NFATC3: variants seen among roughly 807,000 people sequenced by gnomAD.
NFATC3 encodes the protein nuclear factor of activated T cells 3, also known as nuclear factor of activated T-cells, cytoplasmic 3.
A neutral mutation model predicts 98.6 loss-of-function variants in NFATC3; 46 were observed. That is an observed-to-expected ratio of 0.47 (90% CI 0.37 to 0.60). The LOEUF (loss-of-function observed/expected upper bound fraction) is 0.60. Among genes scored for constraint, NFATC3 ranks in the 20% least tolerant of loss-of-function variants. The pLI, the probability that NFATC3 is intolerant of heterozygous loss-of-function variation, is 0.00. For synonymous variants in NFATC3, 512 were observed against 472.2 expected (o/e 1.08, Z -1.09); for missense variants, 1,256 against 1,295.5 (o/e 0.97, Z 0.47).
intron 8 of NFATC3, among the ~76,000 whole-genome samples, chr16:68,185,077 G>A (rs1159539205): frequency 1.3e-5 from 2 of 151,720 alleles, no homozygotes; most frequent in African/African-American, 4.8e-5. Flanking sequence ...CGCCTCCAGG[G>A]TTCAAGTTCA....
At chr16:68,106,506 G>A (rs1251371962) in intron 1 of NFATC3, among the ~76,000 whole-genome samples, 1 of 151,762 alleles carries the variant, frequency 6.6e-6, no homozygotes, top group Non-Finnish European at 1.5e-5. Flanking sequence ...TGTCCAGGCT[G>A]GTCTCAAACT....
intron 3 of NFATC3, among the ~76,000 whole-genome samples, chr16:68,155,530 G>T (rs2038562291): frequency 1.3e-5 from 2 of 152,158 alleles, no homozygotes; most frequent in African/African-American, 2.4e-5. Flanking sequence ...ATCAGAGGAA[G>T]GTCTTCCAAC....
chr16:68,122,690 C>A lies in NFATC3; in HGVS notation c.807C>A (p.Ser269=). The A allele has an allele frequency of 6.2e-7, 1 of 1,614,186 alleles. No individual in the cohort carries two copies. The highest frequency in any genetic ancestry group is 1.1e-5 in the South Asian group (1 of 91,076). ...CAGGACCCTCATCAAGGCCCACATC[C>A]CCCTGTGGGAAACGGAGGCACTCCA... The part of the protein sequence containing the change: ...PASGPSSRPT[S]PCGKRRHSSA... Residue 269 remains serine, a synonymous_variant, in exon 2 of 10, where the codon TCC becomes TCA. Transcript: ENST00000346183.
In NFATC3 at chr16:68,121,366, T is replaced by TG. The variant is rs935738333; in HGVS notation, c.104-621_104-620insG. Among the ~76,000 whole-genome samples the TG allele has an allele frequency of 2.2e-3, 316 of 140,562 alleles. 1 individual carries two copies. Among genetic ancestry groups the TG allele is most frequent in the Non-Finnish European group, 4.1e-3 (264 of 64,058 alleles). 92.2% of individuals were successfully genotyped at this position (140,562 alleles called of 152,430 possible). A position where few individuals can be genotyped will look rare whatever the true frequency, so the allele number is the denominator to read the frequency against. ...AGTATTTTTTAGAATTATGGATGTG[T>TG]TTTTTTTTTTTTAATAAACACATTT... On this transcript the variant is annotated intron_variant, in intron 1 of 9. Coordinates refer to ENST00000346183, the MANE Select transcript of NFATC3 (RefSeq NM_173165.3).
chr16:68,137,915 C>T (rs762542563), intron 3 of NFATC3, among the ~76,000 whole-genome samples: 23 of 150,228 alleles, frequency 1.5e-4, no homozygotes, highest in Middle Eastern at 3.6e-3. Context: ...CCACCGTGCC[C>T]GGCCGTATGT....
rs1452888042 is a variant in NFATC3 at position 68,126,562 on chromosome 16, T to C, written c.1353T>C (p.Gly451=). The C allele has an allele frequency of 6.2e-7, 1 of 1,614,174 alleles. No individual in the cohort carries two copies. The highest frequency in any genetic ancestry group is 8.5e-7 in the Non-Finnish European group (1 of 1,180,034). The change falls in exon 3 of 10, where the codon GGT becomes GGC. Residue 451 remains glycine, a synonymous_variant. Transcript: ENST00000346183. ...ATCGAGCCCATTATGAAACTGAAGGTAGCCGAGGGGCAGTAAAAGCATCTA... is the reference window on the plus strand; with the variant it reads ...ATCGAGCCCATTATGAAACTGAAGGCAGCCGAGGGGCAGTAAAAGCATCTA... The part of the protein sequence containing the change: ...THHRAHYETE[G]SRGAVKASTG...
At chr16:68,218,575 C>CT (rs535788151) in intron 9 of NFATC3, among the ~76,000 whole-genome samples, 4,797 of 125,952 alleles carry the variant, frequency 0.038, 97 homozygotes, top group Middle Eastern at 0.093. Context: ...TTAGATGGTG[C>CT]TTTTTTTTTT....
chr16:68,204,472 C>T, intron 9 of NFATC3, among the ~76,000 whole-genome samples: 1 of 152,310 alleles, frequency 6.6e-6, no homozygotes, highest in Admixed American at 6.5e-5. Flanking sequence ...TCTTTGCAAT[C>T]ATGTGTGAAA....
intron 1 of NFATC3, among the ~76,000 whole-genome samples, chr16:68,096,327 C>G (rs181122529): frequency 6.6e-6 from 1 of 152,192 alleles, no homozygotes; most frequent in East Asian, 1.9e-4. Flanking sequence ...AAGAAACTAG[C>G]TGTTGTTAAA....
intron 4 of NFATC3, among the ~76,000 whole-genome samples, chr16:68,164,952 G>A (rs958298633): frequency 2.0e-5 from 3 of 152,054 alleles, no homozygotes; most frequent in South Asian, 2.1e-4. Context: ...TATTTTCACC[G>A]CTACATAAGA....
chr16:68,138,816 A>G (rs900919076), intron 3 of NFATC3: 26 of 1,234,630 alleles, frequency 2.1e-5, no homozygotes, highest in Admixed American at 2.8e-5. Context: ...TCTATGCCAC[A>G]TGCTCCACAC....
At position 68,162,740 on chromosome 16, in the gene NFATC3, A is replaced by C. The variant is rs996235092; in HGVS notation, c.1602-4103A>C. Among the ~76,000 whole-genome samples, 3 of 152,096 alleles carry C rather than the reference A, an allele frequency of 2.0e-5. No individual in the cohort carries two copies. The East Asian group carries it at 5.8e-4, about 29-fold the overall frequency. On this transcript the variant is annotated intron_variant, in intron 4 of 9. Coordinates refer to ENST00000346183, the MANE Select transcript of NFATC3 (RefSeq NM_173165.3). ...GAAAGACAAGCAAAGATCAAAGAAC[A>C]TGTTGATCATTTTTTTTTTTTTAAT...
intron 9 of NFATC3, chr16:68,192,243 A>ATATATATATATATATATGTATGTG (rs1567543035): frequency 6.2e-5 from 7 of 112,678 alleles, no homozygotes; most frequent in African/African-American, 1.8e-4. Flanking sequence ...ATATATATAT[A>ATATATATATATATATATGTATGTG]TATATATATA....
chr16:68,146,802 A>C (rs1324409713), intron 3 of NFATC3, among the ~76,000 whole-genome samples: 1 of 152,238 alleles, frequency 6.6e-6, no homozygotes, highest in East Asian at 1.9e-4. Flanking sequence ...GAAACATAAC[A>C]AACAACTTGG....
At position 68,191,213 on chromosome 16, in the gene NFATC3, A is replaced by C. The variant is rs561538604; in HGVS notation, c.2544A>C (p.Pro848=). 6.2e-7 allele frequency: 1 copy of C among 1,614,196 alleles called. No homozygotes were observed. Residue 848 remains proline (P), a synonymous_variant, in exon 9 of 10, where the codon CCA becomes CCC. Coordinates refer to ENST00000346183, the MANE Select transcript of NFATC3 (RefSeq NM_173165.3). ...GTTTAGTGAATCTTGGCTGTCAACC[A>C]CTGTCATCCATACCATTTCATTCTT... The part of the protein sequence containing the change: ...LSGLVNLGCQ[P]LSSIPFHSSN...
chr16:68,214,398 T>C, intron 9 of NFATC3: 3 of 1,614,194 alleles, frequency 1.9e-6, no homozygotes, highest in Non-Finnish European at 2.5e-6. Context: ...CACAGTGTGC[T>C]CTCATGTCCA....
At chr16:68,100,988 T>A (rs2035320372) in intron 1 of NFATC3, among the ~76,000 whole-genome samples, 1 of 152,014 alleles carries the variant, frequency 6.6e-6, no homozygotes, top group Non-Finnish European at 1.5e-5. Flanking sequence ...CTGTGATTTG[T>A]TTTTTAATTC....
chr16:68,210,866 C>G (rs1170511390), intron 9 of NFATC3, among the ~76,000 whole-genome samples: 1 of 152,116 alleles, frequency 6.6e-6, no homozygotes, highest in African/African-American at 2.4e-5. Flanking sequence ...ACTGCAACCT[C>G]TGCCTCCCCA....
chr16:68,097,483 A>G (rs1340590425), intron 1 of NFATC3, among the ~76,000 whole-genome samples: 1 of 152,200 alleles, frequency 6.6e-6, no homozygotes, highest in Non-Finnish European at 1.5e-5. Flanking sequence ...TTTGAAAGTT[A>G]TTGGTCTATA....
Sources: allele counts gnomAD v4.1 joint callset (sites outside exome capture counted in the v4.1 genomes callset), GRCh38; gene constraint gnomAD v4.1.1; transcripts MANE v1.5; gene names NCBI Gene and HGNC (gene_info 2026-07-23, HGNC 2026-07-21).